RASGEF1B: variants seen among roughly 807,000 people sequenced by gnomAD.
The protein encoded by RASGEF1B is RasGEF domain family member 1B.
A neutral mutation model predicts 65.7 loss-of-function variants in RASGEF1B; 30 were observed. The observed-to-expected ratio is 0.46, with a 90% CI of 0.34 to 0.62. The LOEUF is 0.62. RASGEF1B is among the 20% of genes least tolerant of loss of function. RASGEF1B has a pLI of 0.01. For synonymous variants in RASGEF1B, 175 were observed against 194.8 expected (o/e 0.90, Z 0.85); for missense variants, 495 against 580.1 (o/e 0.85, Z 1.51).
In RASGEF1B at chr4:81,448,060, C is replaced by G; in HGVS notation, c.654+9G>C. 1 of 1,611,006 alleles carries G rather than the reference C, an allele frequency of 6.2e-7. No individual in the cohort carries two copies. Among genetic ancestry groups the G allele is most frequent in the African/African-American group, 1.3e-5 (1 of 74,986 alleles). ...TGGTTGTAAAGGGCAATGATGATAACGGCCTTACCAGCTCTATATGAGTCA... is the reference window on the plus strand; with the variant it reads ...TGGTTGTAAAGGGCAATGATGATAAGGGCCTTACCAGCTCTATATGAGTCA... On this transcript the variant is annotated intron_variant, in intron 5 of 13. Transcript: ENST00000264400.
intron 10 of RASGEF1B, 125 bp from the exon 11 acceptor site, chr4:81,434,859 C>G (rs1158307192): frequency 1.6e-6 from 1 of 635,226 alleles, no homozygotes; most frequent in Non-Finnish European, 2.8e-6. Context: ...AATTAAGGTA[C>G]AGTGTTTTGT....
intron 12 of RASGEF1B, 21 bp downstream of exon 12, chr4:81,433,818 AG>A (rs771352529): frequency 1.6e-5 from 26 of 1,610,490 alleles, no homozygotes; most frequent in Non-Finnish European, 2.2e-5. Context: ...TGCTAGTGGT[AG>A]CTCCTATTGA....
At chr4:81,435,322 A>G (rs1721576532) in intron 10 of RASGEF1B, among the ~76,000 whole-genome samples, 1 of 148,870 alleles carries the variant, frequency 6.7e-6, no homozygotes, top group Admixed American at 6.7e-5. Context: ...GAGGCAGGAG[A>G]ATGGCGTGAA....
chr4:81,433,600 C>G (rs1721509589), intron 12 of RASGEF1B, among the ~76,000 whole-genome samples: 1 of 152,142 alleles, frequency 6.6e-6, no homozygotes, highest in Admixed American at 6.5e-5. Flanking sequence ...GTGCCCATAG[C>G]TGTGCAAATC....
intron 1 of RASGEF1B, among the ~76,000 whole-genome samples, chr4:81,468,691 G>T (rs1177030106): frequency 6.6e-6 from 1 of 152,064 alleles, no homozygotes; most frequent in Non-Finnish European, 1.5e-5. Flanking sequence ...AAATAAAAAA[G>T]AAATTTCACT....
chr4:81,460,824 T>G (rs1722616797), intron 1 of RASGEF1B, among the ~76,000 whole-genome samples: 1 of 152,192 alleles, frequency 6.6e-6, no homozygotes, highest in African/African-American at 2.4e-5. Flanking sequence ...CTTTGTCCCC[T>G]CCACAAACCA....
At chr4:81,450,529 C>A (rs1722218846) in intron 4 of RASGEF1B, among the ~76,000 whole-genome samples, 1 of 121,268 alleles carries the variant, frequency 8.2e-6, no homozygotes, top group Non-Finnish European at 1.6e-5. Flanking sequence ...CCATACCCAG[C>A]TAATTTGTTG....
At chr4:81,432,620 C>CA (rs1280670951) in intron 12 of RASGEF1B, among the ~76,000 whole-genome samples, 7 of 151,518 alleles carry the variant, frequency 4.6e-5, no homozygotes, top group East Asian at 1.9e-4. Flanking sequence ...ATGTATAAGG[C>CA]AAAAAAAAGC....
intron 9 of RASGEF1B, among the ~76,000 whole-genome samples, chr4:81,441,177 G>A (rs985136085): frequency 2.0e-5 from 3 of 152,068 alleles, no homozygotes; most frequent in Non-Finnish European, 2.9e-5. Flanking sequence ...ATTCTTTCTA[G>A]GCTAATTGTT....
In RASGEF1B at chr4:81,433,876, G is replaced by T; in HGVS notation, c.1288C>A (p.Gln430Lys). The change falls in exon 12 of 14, where the codon CAG (glutamine) becomes AAG (lysine). Residue 430 changes from glutamine to lysine, a missense_variant. Coordinates refer to ENST00000264400, the MANE Select transcript of RASGEF1B (RefSeq NM_152545.3). ...CPFERDRKIL[Q>K]YLLTVPVFSE... ...AAGACTGGTACTGTGAGCAGATACT[G>T]CAAGATCTTCCGGTCCCTCTCAAAT... The T allele has an allele frequency of 6.2e-7, 1 of 1,613,980 alleles. No homozygotes were observed. The highest frequency in any genetic ancestry group is 2.2e-5 in the East Asian group (1 of 44,870).
At chr4:81,440,253 A>G (rs2109973374) in intron 10 of RASGEF1B, among the ~76,000 whole-genome samples, 1 of 152,312 alleles carries the variant, frequency 6.6e-6, no homozygotes, top group East Asian at 1.9e-4. Context: ...CTCAGAATCA[A>G]GAATATGGTA....
intron 2 of RASGEF1B, among the ~76,000 whole-genome samples, chr4:81,458,580 T>G (rs1722531720): frequency 6.6e-6 from 1 of 152,214 alleles, no homozygotes; most frequent in Non-Finnish European, 1.5e-5. Flanking sequence ...GAGATCTTTA[T>G]CAATAACCAG....
rs189949490 is a variant in RASGEF1B at position 81,432,177 on chromosome 4, G to A, written c.1397+122C>T. The A allele has an allele frequency of 8.2e-5, 48 of 585,650 alleles. No homozygotes were observed. The East Asian group carries it at 9.8e-4, about 12-fold the overall frequency. 36.3% of individuals were successfully genotyped at this position (585,650 alleles called of 1,614,324 possible). A position where few individuals can be genotyped will look rare whatever the true frequency, so the allele number is the denominator to read the frequency against. On this transcript the variant is annotated intron_variant, in intron 13 of 13. Transcript: ENST00000264400. ...TGAGCCACAAAGATTTGGTGTACAA[G>A]AGATAAAGTGCAGAGGACTTGGAAC...
At chr4:81,455,707 G>C (rs970164849) in intron 4 of RASGEF1B, 1 of 152,146 alleles carries the variant, frequency 6.6e-6, no homozygotes, top group African/African-American at 2.4e-5. Flanking sequence ...GCTTCAAAAA[G>C]GATAACCTTG....
intron 1 of RASGEF1B, among the ~76,000 whole-genome samples, chr4:81,463,055 G>C (rs1032105514): frequency 2.0e-4 from 30 of 152,290 alleles, no homozygotes; most frequent in African/African-American, 7.0e-4. Flanking sequence ...ATTATGATAT[G>C]CTGCAAATGG....
In RASGEF1B at chr4:81,426,509, C is replaced by G. The variant is rs1721226512; in HGVS notation, c.*1259G>C. 1 of 152,182 alleles carries G rather than the reference C, an allele frequency of 6.6e-6. No homozygotes were observed. Among genetic ancestry groups the G allele is most frequent in the Non-Finnish European group, 1.5e-5 (1 of 68,038 alleles). 9.4% of individuals were successfully genotyped at this position (152,182 alleles called of 1,614,324 possible). On this transcript the variant is annotated 3_prime_UTR_variant, in exon 14 of 14. Coordinates refer to ENST00000264400, the MANE Select transcript of RASGEF1B (RefSeq NM_152545.3). ...CATGCTCTAGTTTTTGGAACCATGTCATTAAGTTTTCAAATACATCTGTTT... is the reference window on the plus strand; with the variant it reads ...CATGCTCTAGTTTTTGGAACCATGTGATTAAGTTTTCAAATACATCTGTTT...
At chr4:81,439,449 T>C (rs748321292) in intron 10 of RASGEF1B, among the ~76,000 whole-genome samples, 30 of 152,180 alleles carry the variant, frequency 2.0e-4, no homozygotes, top group Non-Finnish European at 4.1e-4. Context: ...ATTCCACAAC[T>C]GAGATATTTT....
At chr4:81,440,961 T>C in intron 9 of RASGEF1B, 32 bp from the exon 10 acceptor site, 4 of 1,387,694 alleles carry the variant, frequency 2.9e-6, no homozygotes, top group Non-Finnish European at 4.1e-6. Flanking sequence ...ATATTAACTA[T>C]TTATTTATTG....
At chr4:81,438,850 G>C (rs1414288283) in intron 10 of RASGEF1B, among the ~76,000 whole-genome samples, 1 of 151,588 alleles carries the variant, frequency 6.6e-6, no homozygotes, top group Admixed American at 6.6e-5. Context: ...GTGTTAGTTT[G>C]CTGAGGATGA....
Sources: gnomAD v4.1 joint callset for allele counts (sites outside exome capture counted in the v4.1 genomes callset) on GRCh38, gnomAD v4.1.1 for gene constraint, MANE v1.5 for transcripts, NCBI Gene and HGNC (gene_info 2026-07-23, HGNC 2026-07-21) for gene names.